KDM3A: variants seen among roughly 807,000 people sequenced by gnomAD.
KDM3A encodes the protein lysine-specific demethylase 3A.
KDM3A carries 60 observed loss-of-function variants against 158.0 expected under a neutral mutation model. That is an observed-to-expected ratio of 0.38 (90% CI 0.31 to 0.47). KDM3A has a LOEUF of 0.47. Ranked by LOEUF, KDM3A falls within the 20% of genes least tolerant of loss-of-function variation. The pLI is 0.99. For synonymous variants in KDM3A, 608 were observed against 549.3 expected, an observed-to-expected ratio of 1.11 and a Z score of -1.49; for missense variants, 1,319 against 1,574.3, an observed-to-expected ratio of 0.84 and a Z score of 2.74.
intron 11 of KDM3A, among the ~76,000 whole-genome samples, chr2:86,471,593 TCTC>T (rs1036802265): frequency 8.5e-5 from 13 of 152,224 alleles, no homozygotes; most frequent in Admixed American, 1.3e-4. Context: ...CAATTCCTAT[TCTC>T]CTCCTCCCTT....
At chr2:86,447,748 A>G (rs759789744) in intron 2 of KDM3A, among the ~76,000 whole-genome samples, 2 of 152,170 alleles carry the variant, frequency 1.3e-5, no homozygotes, top group Non-Finnish European at 2.9e-5. Context: ...TGTAATCATA[A>G]GTATTTTATT....
At chr2:86,451,403 T>C (rs1233621759) in intron 4 of KDM3A, among the ~76,000 whole-genome samples, 190 bp downstream of exon 4, 1 of 152,214 alleles carries the variant, frequency 6.6e-6, no homozygotes, top group East Asian at 1.9e-4. Context: ...CCATAAGCCT[T>C]ATTGATAAAC....
At chr2:86,452,317 A>G (rs758598388) in intron 4 of KDM3A, among the ~76,000 whole-genome samples, 1 of 151,802 alleles carries the variant, frequency 6.6e-6, no homozygotes, top group Non-Finnish European at 1.5e-5. Flanking sequence ...TCTGAGTTAT[A>G]GTGCTCTTGG....
intron 11 of KDM3A, among the ~76,000 whole-genome samples, chr2:86,471,257 G>GTA (rs764247411): frequency 1.5e-4 from 23 of 150,732 alleles, no homozygotes; most frequent in Non-Finnish European, 2.9e-4. Flanking sequence ...ATATATGTGT[G>GTA]TATATATATG....
At chr2:86,470,175 C>T (rs1673336800) in intron 10 of KDM3A, 29 bp from the exon 11 acceptor site, 1 of 1,600,114 alleles carries the variant, frequency 6.2e-7, no homozygotes, top group Non-Finnish European at 8.6e-7. Context: ...AATTTGAGGT[C>T]CTGTCTCCTT....
At chr2:86,439,721 T>C (rs1025611316), upstream of KDM3A, among the ~76,000 whole-genome samples, 7 of 152,186 alleles carry the variant, frequency 4.6e-5, no homozygotes, top group African/African-American at 1.7e-4. Flanking sequence ...TCATCGTTCA[T>C]AGCGTCACCT....
intron 19 of KDM3A, 139 bp from the exon 20 acceptor site, chr2:86,484,803 T>C (rs1304428558): frequency 1.8e-6 from 1 of 556,276 alleles, no homozygotes; most frequent in Non-Finnish European, 3.2e-6. Context: ...AATATTTGTA[T>C]ACTAAATTTA....
intron 4 of KDM3A, among the ~76,000 whole-genome samples, chr2:86,451,862 AAAT>A (rs1368493856): frequency 3.9e-5 from 6 of 152,218 alleles, no homozygotes; most frequent in Admixed American, 6.5e-5. Flanking sequence ...GGTGATATGA[AAAT>A]AATATTTAAA....
At chr2:86,446,938 A>C (rs971566001) in intron 2 of KDM3A, among the ~76,000 whole-genome samples, 3 of 152,116 alleles carry the variant, frequency 2.0e-5, no homozygotes, top group Non-Finnish European at 2.9e-5. Flanking sequence ...CAGCCTCCTG[A>C]ATATCTAGGA....
chr2:86,484,738 C>A, intron 19 of KDM3A: 1 of 493,176 alleles, frequency 2.0e-6, no homozygotes, highest in Non-Finnish European at 3.6e-6. Context: ...GATTTTTTTA[C>A]ACTGCAGAAA....
In KDM3A at chr2:86,480,319, G is replaced by A; in HGVS notation, c.2469G>A (p.Trp823Ter). The change falls in exon 16 of 26, where the codon TGG becomes TGA. Residue 823 changes from tryptophan (W) to a stop codon, truncating the protein, a stop_gained. Transcript: ENST00000312912. LOFTEE classifies it high-confidence loss of function. Reference protein sequence around the residue: ...ACPASTSPLNWLADLTSGNVN... With the variant: ...ACPASTSPLN ...CAGCCAGCACATCTCCTCTAAACTG[G>A]CTGGCCGACCTAACCAGCGGGAATG... is the stretch of plus-strand genomic sequence containing the variant. 6.2e-7 allele frequency: 1 copy of A among 1,613,974 alleles called. No individual in the cohort carries two copies. The highest frequency in any genetic ancestry group is 8.5e-7 in the Non-Finnish European group (1 of 1,179,920).
In KDM3A at chr2:86,466,600, C is replaced by A. The variant is rs756390038; in HGVS notation, c.1236C>A (p.Gly412=). 6 of 1,613,782 alleles carry A rather than the reference C, an allele frequency of 3.7e-6. No homozygotes were observed. In the East Asian group the frequency reaches 1.1e-4, roughly 30 times the overall value. The change falls in exon 10 of 26, where the codon GGC becomes GGA. Residue 412 remains glycine (G), a synonymous_variant. Transcript: ENST00000312912. ...AGTCTGTTCCACAAGCATTGACTGG[C>A]CTTCCTAAGGAGTGCTTACCTACAA... is the stretch of plus-strand genomic sequence containing the variant. The part of the protein sequence containing the change: ...RLESVPQALT[G]LPKECLPTKA...
chr2:86,467,932 AG>A (rs1308671435), intron 10 of KDM3A, among the ~76,000 whole-genome samples: 13 of 152,086 alleles, frequency 8.5e-5, no homozygotes, highest in Non-Finnish European at 1.6e-4. Context: ...AAGCTGAGGC[AG>A]GGGGGTTGCT....
rs559194529 is a variant in KDM3A at position 86,458,476 on chromosome 2, C to T, written c.843+1405C>T. Among the ~76,000 whole-genome samples, 194 of 152,316 alleles carry T rather than the reference C, an allele frequency of 1.3e-3. 2 individuals are homozygous for T. Among genetic ancestry groups the T allele is most frequent in the Middle Eastern group, 6.8e-3 (2 of 294 alleles). On this transcript the variant is annotated intron_variant, in intron 8 of 25. Transcript: ENST00000312912. ...ACAAGGTAATTTCAAGTACATCCAT[C>T]CAAGAAACCATAGTTACTGTATTAA...
chr2:86,474,881 TGTG>T lies in KDM3A; in HGVS notation c.1832_1834del (p.Val611del), dbSNP rs763640195. 40 of 1,614,054 alleles carry T rather than the reference TGTG, an allele frequency of 2.5e-5. No homozygotes were observed. In the African/African-American group the frequency reaches 4.5e-4, roughly 18 times the overall value. On this transcript the variant is annotated inframe_deletion, in exon 12 of 26. Coordinates refer to ENST00000312912, the MANE Select transcript of KDM3A (RefSeq NM_018433.6). ...TGTGGTTACCTTTAACCAAAAACGT[TGTG>T]GGGATTGATTTGGACACAGCAAAGT...
Position 86,473,588 on chromosome 2 carries a change from TAGAAAA to T in KDM3A, c.1725-1181_1725-1176del, listed in dbSNP as rs1469475967. Among the ~76,000 whole-genome samples the T allele has an allele frequency of 3.3e-5, 5 of 151,770 alleles. No homozygotes were observed. In the East Asian group the frequency reaches 9.6e-4, roughly 29 times the overall value. On this transcript the variant is annotated intron_variant, in intron 11 of 25. Transcript: ENST00000312912. ...GGCAAAACCCTGTCTCTACAAAAAA[TAGAAAA>T]AGAAAATTAGCTGGGCGTGGTGGCA...
chr2:86,473,790 T>C (rs1673523914), intron 11 of KDM3A, among the ~76,000 whole-genome samples: 1 of 152,102 alleles, frequency 6.6e-6, no homozygotes, highest in African/African-American at 2.4e-5. Context: ...AATTTAAAAC[T>C]AATACATAGC....
intron 8 of KDM3A, among the ~76,000 whole-genome samples, chr2:86,461,005 C>T (rs1398699583): frequency 6.6e-6 from 1 of 152,206 alleles, no homozygotes; most frequent in African/African-American, 2.4e-5. Flanking sequence ...CTAATTCTAA[C>T]ACACGGTGAC....
Position 86,478,658 on chromosome 2 carries a change from A to T in KDM3A, c.2239A>T (p.Ile747Leu), listed in dbSNP as rs768021291. ...IVHSVRAKWG[I>L]KANCPCSNRQ... ...TCATTCTGTAAGAGCGAAATGGGGA[A>T]TAAAGGCAAACTGCCCTTGTTCAAA... The change falls in exon 15 of 26, where the codon ATA (isoleucine) becomes TTA (leucine). Residue 747 changes from isoleucine to leucine, a missense_variant. Transcript: ENST00000312912. The T allele has an allele frequency of 6.2e-7, 1 of 1,614,034 alleles. No individual in the cohort carries two copies. Among genetic ancestry groups the T allele is most frequent in the South Asian group, 1.1e-5 (1 of 91,084 alleles).
Sources: allele counts gnomAD v4.1 joint callset (sites outside exome capture counted in the v4.1 genomes callset), GRCh38; gene constraint gnomAD v4.1.1; transcripts MANE v1.5; gene names NCBI Gene and HGNC (gene_info 2026-07-23, HGNC 2026-07-21).